Variants in HIVEP3 observed in about 807,000 individuals in gnomAD.
The protein encoded by HIVEP3 is HIVEP zinc finger 3, also known as transcription factor HIVEP3.
HIVEP3 carries 49 observed loss-of-function variants against 152.8 expected under a neutral mutation model. The observed-to-expected ratio is 0.32, with a 90% CI of 0.26 to 0.41. The LOEUF (loss-of-function observed/expected upper bound fraction) is 0.41. HIVEP3 is among the 10% of genes least tolerant of loss of function. The pLI is 1.00. For synonymous variants in HIVEP3, 1,269 were observed against 1,289.0 expected, an observed-to-expected ratio of 0.98 and a Z score of 0.33; for missense variants, 2,790 against 3,103.3, an observed-to-expected ratio of 0.90 and a Z score of 2.40.
At chr1:41,904,983 A>G (rs1449790303) in intron 1 of HIVEP3, among the ~76,000 whole-genome samples, 1 of 152,194 alleles carries the variant, frequency 6.6e-6, no homozygotes, top group African/African-American at 2.4e-5. Context: ...GAGTTGCAGG[A>G]CAAATATTTC....
At chr1:41,804,125 C>T (rs1233295471) in intron 1 of HIVEP3, among the ~76,000 whole-genome samples, 1 of 152,116 alleles carries the variant, frequency 6.6e-6, no homozygotes, top group Non-Finnish European at 1.5e-5. Context: ...GTGAGGTATA[C>T]ATAAATAACT....
At chr1:41,981,089 G>A (rs113422556) in intron 1 of HIVEP3, among the ~76,000 whole-genome samples, 1,907 of 152,274 alleles carry the variant, frequency 0.013, 37 homozygotes, top group African/African-American at 0.044. Flanking sequence ...CTTCTGCAAG[G>A]TGTGGGTGAG....
At chr1:41,921,730 G>A (rs1644942783), upstream of HIVEP3, among the ~76,000 whole-genome samples, 1 of 152,102 alleles carries the variant, frequency 6.6e-6, no homozygotes, top group Admixed American at 6.5e-5. Context: ...CAGTTTAAAG[G>A]CAAATTAAGG....
rs1237073027 is a variant in HIVEP3 at position 41,582,952 on chromosome 1, T to C, written c.1846A>G (p.Lys616Glu). 1 of 1,614,114 alleles carries C rather than the reference T, an allele frequency of 6.2e-7. No homozygotes were observed. Among genetic ancestry groups the C allele is most frequent in the Non-Finnish European group, 8.5e-7 (1 of 1,180,022 alleles). Residue 616 changes from lysine (K) to glutamate (E), a missense_variant, in exon 4 of 9, where the codon AAG becomes GAG. Around this residue, in one of 9 missense-constraint regions of HIVEP3, gnomAD observed 339 missense variants for 327.0 expected, o/e 1.04. Transcript: ENST00000372583. This position sits in a 1 kb window ranked among gnomAD's most constrained non-coding sequence, Gnocchi z 4.7. ...PGPSSKDTAS[K>E]PSDEVEPKES... Reference sequence around the variant, plus strand: ...TTGGGTTCCACTTCGTCCGAGGGCTTGGAGGCTGTGTCTTTGCTGCTTGGG... The same window carrying C: ...TTGGGTTCCACTTCGTCCGAGGGCTCGGAGGCTGTGTCTTTGCTGCTTGGG...
intron 6 of HIVEP3, among the ~76,000 whole-genome samples, chr1:41,519,491 T>C (rs1642700279): frequency 6.6e-6 from 1 of 152,222 alleles, no homozygotes; most frequent in African/African-American, 2.4e-5. Flanking sequence ...GGATATTCCT[T>C]TGGGCCCAGC....
chr1:41,925,497 G>A (rs1006478423), intron 1 of HIVEP3, among the ~76,000 whole-genome samples: 1 of 152,158 alleles, frequency 6.6e-6, no homozygotes, highest in Non-Finnish European at 1.5e-5. Context: ...CTTCATCCTT[G>A]TGGTCTTCAC....
intron 3 of HIVEP3, among the ~76,000 whole-genome samples, chr1:41,589,722 TA>T (rs1341114601): frequency 1.1e-4 from 17 of 152,200 alleles, no homozygotes; most frequent in Middle Eastern, 3.4e-3. Flanking sequence ...TGGGGCAAGA[TA>T]GGGGCAGGGG....
At chr1:41,655,800 G>A (rs1461035777) in intron 2 of HIVEP3, among the ~76,000 whole-genome samples, 1 of 151,912 alleles carries the variant, frequency 6.6e-6, no homozygotes, top group African/African-American at 2.4e-5. Flanking sequence ...GGTCTGTTTT[G>A]GTCAGTGCTG....
intron 1 of HIVEP3, among the ~76,000 whole-genome samples, chr1:41,784,800 T>C (rs959253665): frequency 6.6e-6 from 1 of 152,246 alleles, no homozygotes; most frequent in African/African-American, 2.4e-5. Context: ...AAATGCTCTT[T>C]TGTAATTATT....
At chr1:41,993,636 C>A (rs1272175157) in intron 1 of HIVEP3, among the ~76,000 whole-genome samples, 5 of 152,142 alleles carry the variant, frequency 3.3e-5, no homozygotes, top group African/African-American at 9.7e-5. Flanking sequence ...TTGACCCAGC[C>A]ATCCCATTAC....
chr1:41,612,537 TGAGGAAACA>T (rs973346235), intron 3 of HIVEP3, among the ~76,000 whole-genome samples: 3 of 152,196 alleles, frequency 2.0e-5, no homozygotes, highest in South Asian at 2.1e-4. Flanking sequence ...GTTTTGCAGA[TGAGGAAACA>T]GAGGTTCAGA....
chr1:41,624,304 C>T (rs186097843), intron 3 of HIVEP3, among the ~76,000 whole-genome samples: 106 of 152,336 alleles, frequency 7.0e-4, no homozygotes, highest in Non-Finnish European at 1.2e-3. Context: ...AGAGGCTCTC[C>T]AAATGTTCCA....
chr1:41,545,247 A>G (rs1643725540), intron 5 of HIVEP3, among the ~76,000 whole-genome samples: 1 of 106,372 alleles, frequency 9.4e-6, no homozygotes, highest in African/African-American at 3.6e-5. Context: ...CACCACCACC[A>G]ATACCACTAC....
At chr1:41,562,124 T>C (rs75016127) in intron 5 of HIVEP3, among the ~76,000 whole-genome samples, 3,667 of 152,274 alleles carry the variant, frequency 0.024, 149 homozygotes, top group African/African-American at 0.08. Flanking sequence ...TACTATTAGT[T>C]CTCAAAAGGA....
chr1:41,637,122 A>G (rs1645287188), intron 2 of HIVEP3, among the ~76,000 whole-genome samples: 1 of 152,208 alleles, frequency 6.6e-6, no homozygotes, highest in South Asian at 2.1e-4. Flanking sequence ...GTGTCTACCA[A>G]AATGTATGTT....
chr1:41,977,522 A>T (rs1645267132), intron 1 of HIVEP3, among the ~76,000 whole-genome samples: 1 of 152,106 alleles, frequency 6.6e-6, no homozygotes, highest in Non-Finnish European at 1.5e-5. Flanking sequence ...ACATCCCCCC[A>T]TCTCTCCTGC....
chr1:41,915,573 A>G (rs1644858615), intron 1 of HIVEP3, among the ~76,000 whole-genome samples: 1 of 152,256 alleles, frequency 6.6e-6, no homozygotes, highest in Non-Finnish European at 1.5e-5. Context: ...ATCAAAATTC[A>G]TAAACTGTAG....
chr1:41,596,999 G>A (rs1644677499), intron 3 of HIVEP3, among the ~76,000 whole-genome samples: 1 of 152,124 alleles, frequency 6.6e-6, no homozygotes, highest in African/African-American at 2.4e-5. Flanking sequence ...ATAATGAATG[G>A]TGGATTTTTC....
chr1:41,674,109 G>T (rs1645918612), intron 2 of HIVEP3, among the ~76,000 whole-genome samples: 1 of 152,246 alleles, frequency 6.6e-6, no homozygotes, highest in African/African-American at 2.4e-5. Flanking sequence ...CCAGAAGCAG[G>T]TTTGTCAGGA....
Sources: gnomAD v4.1 joint callset for allele counts (sites outside exome capture counted in the v4.1 genomes callset) on GRCh38, gnomAD v4.1.1 for gene constraint, gnomAD v4.1.1 regional missense constraint, Gnocchi (gnomAD v3.1) non-coding constraint, MANE v1.5 for transcripts, NCBI Gene and HGNC (gene_info 2026-07-23, HGNC 2026-07-21) for gene names.